The following EGFR variants were observed in gnomAD, a reference collection of about 807,000 sequenced individuals.
EGFR encodes the protein avian erythroblastic leukemia viral (v-erb-b) oncogene homolog.
A neutral mutation model predicts 143.0 loss-of-function variants in EGFR; 58 were observed. The ratio of observed to expected loss-of-function variants is 0.41; its 90% CI spans 0.33 to 0.50. EGFR has a LOEUF of 0.50. EGFR is among the 20% of genes least tolerant of loss of function. The pLI is 0.39. For missense variants in EGFR, 1,307 were observed against 1,579.0 expected (o/e 0.83, Z 2.92); for synonymous variants, 613 against 594.4 (o/e 1.03, Z -0.45).
intron 1 of EGFR, among the ~76,000 whole-genome samples, chr7:55,026,478 C>CT (rs1786890678): frequency 6.6e-6 from 1 of 152,190 alleles, no homozygotes; most frequent in Non-Finnish European, 1.5e-5. Flanking sequence ...AAAAAACTGC[C>CT]TAAATTCAAA....
In EGFR at chr7:55,136,060, C is replaced by T. The variant is rs116743730; in HGVS notation, c.89-6226C>T. 7.3e-3 allele frequency among the ~76,000 whole-genome samples: 1,105 copies of T among 152,276 alleles called. 15 individuals are homozygous for T. The highest frequency in any genetic ancestry group is 0.025 in the African/African-American group (1,046 of 41,548). The stretch of plus-strand genomic sequence containing the variant: ...TGTTAACAACACGGTGTATCTTCCT[C>T]CTGTCATGCTTCCGTGCATTTGAGC... On this transcript the variant is annotated intron_variant, in intron 1 of 27. Coordinates refer to ENST00000275493, the MANE Select transcript of EGFR (RefSeq NM_005228.5).
At chr7:55,027,481 T>C (rs1562649693) in intron 1 of EGFR, among the ~76,000 whole-genome samples, 1 of 152,224 alleles carries the variant, frequency 6.6e-6, no homozygotes, top group African/African-American at 2.4e-5. Context: ...TAAATGACCA[T>C]GAGGAAACCT....
intron 20 of EGFR, among the ~76,000 whole-genome samples, chr7:55,186,211 A>G (rs1343156170): frequency 6.6e-6 from 1 of 152,238 alleles, no homozygotes; most frequent in Non-Finnish European, 1.5e-5. Context: ...CACTGGGTGG[A>G]GCACTGAGGA....
intron 1 of EGFR, among the ~76,000 whole-genome samples, chr7:55,046,509 A>G (rs1788182891): frequency 6.6e-6 from 1 of 151,440 alleles, no homozygotes; most frequent in East Asian, 1.9e-4. Flanking sequence ...AAAGGGCAGC[A>G]TTTGGCGTGG....
At chr7:55,061,192 C>T (rs976724719) in intron 1 of EGFR, among the ~76,000 whole-genome samples, 5 of 152,248 alleles carry the variant, frequency 3.3e-5, no homozygotes, top group East Asian at 3.9e-4. Context: ...TAGTAATAGA[C>T]GTGTAGGTCT....
At chr7:55,116,303 T>G (rs1055914266) in intron 1 of EGFR, among the ~76,000 whole-genome samples, 6 of 152,198 alleles carry the variant, frequency 3.9e-5, no homozygotes, top group African/African-American at 1.2e-4. Context: ...GCCCACGCAA[T>G]GCGCACATCC....
chr7:55,087,121 T>C (rs1471953834), intron 1 of EGFR, among the ~76,000 whole-genome samples: 2 of 151,992 alleles, frequency 1.3e-5, no homozygotes, highest in Admixed American at 6.5e-5. Context: ...GTGAGTGTGC[T>C]ATTTAGAGCT....
chr7:55,205,203 CA>C (rs1185612547), intron 27 of EGFR, 52 bp from the exon 28 acceptor site: 1 of 1,607,114 alleles, frequency 6.2e-7, no homozygotes, highest in African/African-American at 1.3e-5. Context: ...AGGGATCCTG[CA>C]TGGGATGGTG....
chr7:55,054,178 G>T lies in EGFR; in HGVS notation c.88+34813G>T, dbSNP rs140798540. On this transcript the variant is annotated intron_variant, in intron 1 of 27. Transcript: ENST00000275493. ...CGCCTTCTTTCTGGAAGGTATAAAGGCTCCTGCTTATACCTGGCACTGCAC... is the reference window on the plus strand; with the variant it reads ...CGCCTTCTTTCTGGAAGGTATAAAGTCTCCTGCTTATACCTGGCACTGCAC... Among the ~76,000 whole-genome samples, 945 of 152,244 alleles carry T rather than the reference G, an allele frequency of 6.2e-3. 12 individuals are homozygous for T. The highest frequency in any genetic ancestry group is 0.05 in the South Asian group (240 of 4,818).
rs17290699 is a variant in EGFR, at chr7:55,201,204, A to C, written c.2963A>C (p.His988Pro). 2,249 of 1,614,186 alleles carry C rather than the reference A, an allele frequency of 1.4e-3. 24 individuals carry two copies. The African/African-American group carries it at 0.027, about 19-fold the overall frequency. ...YLVIQGDERM[H>P]LPSPTDSNFY... ...CTGCACCAGGGGGATGAAAGAATGCATTTGCCAAGTCCTACAGACTCCAAC... is the reference window on the plus strand; with the variant it reads ...CTGCACCAGGGGGATGAAAGAATGCCTTTGCCAAGTCCTACAGACTCCAAC... The change falls in exon 25 of 28, where the codon CAT becomes CCT. Residue 988 changes from histidine to proline, a missense_variant. By Grantham distance (77) the His-to-Pro change is moderately conservative. Coordinates refer to ENST00000275493, the MANE Select transcript of EGFR (RefSeq NM_005228.5).
At chr7:55,034,128 C>T (rs895707059) in intron 1 of EGFR, among the ~76,000 whole-genome samples, 2 of 152,208 alleles carry the variant, frequency 1.3e-5, no homozygotes, top group Admixed American at 6.5e-5. Flanking sequence ...GAGGCAAACA[C>T]ACCCTGCCTG....
chr7:55,161,677 G>T (rs377469577), intron 13 of EGFR, 46 bp downstream of exon 13: 122 of 1,613,998 alleles, frequency 7.6e-5, no homozygotes, highest in South Asian at 3.7e-4. Context: ...CAAAAATAAG[G>T]CTCCAGGTTG....
At chr7:55,107,269 T>C (rs951318418) in intron 1 of EGFR, among the ~76,000 whole-genome samples, 1 of 152,214 alleles carries the variant, frequency 6.6e-6, no homozygotes, top group African/African-American at 2.4e-5. Flanking sequence ...GTGTACTTTT[T>C]TCCTATTTCC....
Position 55,211,205 on chromosome 7 carries a change from C to T in EGFR, c.*5588C>T, listed in dbSNP as rs898692699. The T allele has an allele frequency of 2.0e-5, 3 of 152,030 alleles. No individual in the cohort carries two copies. The highest frequency in any genetic ancestry group is 7.3e-5 in the African/African-American group (3 of 41,378). 9.4% of individuals were successfully genotyped at this position (152,030 alleles called of 1,614,324 possible). A position where few individuals can be genotyped will look rare whatever the true frequency, so the allele number is the denominator to read the frequency against. On this transcript the variant is annotated 3_prime_UTR_variant, in exon 28 of 28. Coordinates refer to ENST00000275493, the MANE Select transcript of EGFR (RefSeq NM_005228.5). ...ACTATGGGGAAAACTTAAATCTGTG[C>T]ATACATTTCTGGATGCATTTACTTA...
Position 55,208,861 on chromosome 7 carries a change from T to G in EGFR, c.*3244T>G, listed in dbSNP as rs1562813255. On this transcript the variant is annotated 3_prime_UTR_variant, in exon 28 of 28. Coordinates refer to ENST00000275493, the MANE Select transcript of EGFR (RefSeq NM_005228.5). ...ATCTTCTGGTCCCAACCAGAAAGACTGTGGCTTGATTTTCTCAGGTGCAGC... is the reference window on the plus strand; with the variant it reads ...ATCTTCTGGTCCCAACCAGAAAGACGGTGGCTTGATTTTCTCAGGTGCAGC... 6.6e-6 allele frequency: 1 copy of G among 152,188 alleles called. No homozygotes were observed. The highest frequency in any genetic ancestry group is 1.5e-5 in the Non-Finnish European group (1 of 68,038). 9.4% of individuals were successfully genotyped at this position (152,188 alleles called of 1,614,324 possible). A position where few individuals can be genotyped will look rare whatever the true frequency, so the allele number is the denominator to read the frequency against.
intron 1 of EGFR, among the ~76,000 whole-genome samples, chr7:55,065,826 G>A (rs1028594802): frequency 7.1e-6 from 1 of 139,922 alleles, no homozygotes; most frequent in Non-Finnish European, 1.5e-5. Flanking sequence ...AAGTGACTAA[G>A]TGGCTTTTTT....
Position 55,205,890 on chromosome 7 carries a change from G to A in EGFR, c.*273G>A. On this transcript the variant is annotated 3_prime_UTR_variant, in exon 28 of 28. Transcript: ENST00000275493. ...GAGCAGAAATTTATCTTTCAAAGAG[G>A]TATATTTGAAAAAAAAAAAAAGTAT... 2.1e-6 allele frequency: 1 copy of A among 469,454 alleles called. No homozygotes were observed. The allele number at this position is 469,454 out of a possible 1,614,324, so 29.1% of individuals were successfully genotyped here. A position where few individuals can be genotyped will look rare whatever the true frequency, so the allele number is the denominator to read the frequency against.
intron 15 of EGFR, chr7:55,170,266 G>A (rs1334828733): frequency 1.9e-6 from 3 of 1,613,686 alleles, no homozygotes; most frequent in East Asian, 2.2e-5. Context: ...GGCTCCCCAG[G>A]CCTCTCACAT....
chr7:55,181,238 C>G (rs2128958078), intron 19 of EGFR, 55 bp from the exon 20 acceptor site: 809 of 1,543,348 alleles, frequency 5.2e-4, no homozygotes, highest in Non-Finnish European at 6.6e-4. Flanking sequence ...GTCCATGTGC[C>G]CCTCCTTCTG....
Sources: allele counts gnomAD v4.1 joint callset (sites outside exome capture counted in the v4.1 genomes callset), GRCh38; gene constraint gnomAD v4.1.1; transcripts MANE v1.5; gene names NCBI Gene and HGNC (gene_info 2026-07-23, HGNC 2026-07-21).